GRHL2: variants seen among roughly 807,000 people sequenced by gnomAD.
GRHL2 encodes grainyhead like transcription factor 2.
In GRHL2, 21 loss-of-function variants were observed where a neutral mutation model predicts 83.8. The observed-to-expected ratio is 0.25, with a 90% CI of 0.18 to 0.36. The LOEUF (loss-of-function observed/expected upper bound fraction) is 0.36. GRHL2 is among the 10% of genes least tolerant of loss of function. GRHL2 has a pLI of 1.00. For synonymous variants in GRHL2, 280 were observed against 278.9 expected (o/e 1.00, Z -0.04); for missense variants, 623 against 781.8 (o/e 0.80, Z 2.42).
intron 12 of GRHL2, among the ~76,000 whole-genome samples, chr8:101,641,051 T>G (rs1187270677): frequency 6.6e-6 from 1 of 152,198 alleles, no homozygotes; most frequent in Non-Finnish European, 1.5e-5. Context: ...TGGGGCCTAC[T>G]GACCTAGTCA....
intron 1 of GRHL2, among the ~76,000 whole-genome samples, chr8:101,502,726 ACCTCCTCCT>A (rs539176678): frequency 6.7e-6 from 1 of 149,506 alleles, no homozygotes; most frequent in Non-Finnish European, 1.5e-5. Flanking sequence ...GAAAGGGATG[ACCTCCTCCT>A]CCTCCTCCTC....
intron 1 of GRHL2, among the ~76,000 whole-genome samples, chr8:101,521,385 G>A (rs915499848): frequency 5.9e-5 from 9 of 152,180 alleles, no homozygotes; most frequent in Admixed American, 4.6e-4. Context: ...TTTCAGTGAC[G>A]GGCAACAGGA....
chr8:101,568,029 C>T (rs535706770), intron 4 of GRHL2, among the ~76,000 whole-genome samples: 2 of 152,136 alleles, frequency 1.3e-5, no homozygotes. Context: ...AATTCCTGAC[C>T]ATATTAAATG....
chr8:101,671,424 G>C (rs1221289831), downstream of GRHL2, among the ~76,000 whole-genome samples: 4 of 152,306 alleles, frequency 2.6e-5, no homozygotes, highest in East Asian at 7.7e-4. Context: ...TAGCACAGCA[G>C]TCTGAGATCA....
chr8:101,677,291 A>G, the GRHL2 span, among the ~76,000 whole-genome samples: 1 of 152,048 alleles, frequency 6.6e-6, no homozygotes, highest in Non-Finnish European at 1.5e-5. Flanking sequence ...CACCCCTCAT[A>G]GACCACTGAG....
intron 2 of GRHL2, among the ~76,000 whole-genome samples, chr8:101,545,800 A>G (rs1811250685): frequency 6.6e-6 from 1 of 151,950 alleles, no homozygotes; most frequent in African/African-American, 2.4e-5. Context: ...TTGATCTTCA[A>G]AATCTATAAA....
intron 9 of GRHL2, among the ~76,000 whole-genome samples, chr8:101,627,639 A>C (rs529835606): frequency 6.2e-4 from 94 of 152,252 alleles, no homozygotes; most frequent in South Asian, 1.5e-3. Context: ...AGAAATAATT[A>C]AGCTTAGGGA....
chr8:101,610,646 C>A (rs1586142287), intron 8 of GRHL2, among the ~76,000 whole-genome samples: 2 of 150,932 alleles, frequency 1.3e-5, no homozygotes, highest in Non-Finnish European at 2.9e-5. Context: ...AACGTAGGGG[C>A]TGTTATACCT....
At chr8:101,670,580 G>C (rs961943319), downstream of GRHL2, among the ~76,000 whole-genome samples, 1 of 152,206 alleles carries the variant, frequency 6.6e-6, no homozygotes, top group African/African-American at 2.4e-5. Context: ...TGTCATGACT[G>C]TGTTCCACAG....
rs1810304096 is a variant in GRHL2, at chr8:101,504,866, TATC to T, written c.20+12079_20+12081del. ...TGTCGCCAACGTGAACTTCTTTGCT[TATC>T]AACCTATCCAAGAAGCATCCACAGC... On this transcript the variant is annotated intron_variant, in intron 1 of 15. Transcript: ENST00000646743. Among the ~76,000 whole-genome samples, 13 of 151,468 alleles carry T rather than the reference TATC, an allele frequency of 8.6e-5. No homozygotes were observed. In the South Asian group the frequency reaches 2.7e-3, roughly 32 times the overall value.
chr8:101,624,022 TAGGACAGTTCACAGTA>T (rs1246621598), intron 9 of GRHL2, among the ~76,000 whole-genome samples: 9 of 137,374 alleles, frequency 6.6e-5, no homozygotes, highest in African/African-American at 2.6e-4. Context: ...CAGTACACAG[TAGGACAGTTCACAGTA>T]CACAGTACAC....
intron 1 of GRHL2, among the ~76,000 whole-genome samples, chr8:101,497,261 TTGTAG>T (rs1321465695): frequency 2.0e-5 from 3 of 152,218 alleles, no homozygotes; most frequent in Non-Finnish European, 4.4e-5. Flanking sequence ...TCCCTAAAAC[TTGTAG>T]TGTAACCTAC....
chr8:101,661,383 G>A (rs2129754892), intron 14 of GRHL2, among the ~76,000 whole-genome samples: 1 of 152,128 alleles, frequency 6.6e-6, no homozygotes, highest in African/African-American at 2.4e-5. Context: ...GGTCCCTTGA[G>A]GTCCTGGGGA....
At chr8:101,641,311 G>C (rs1056844979) in intron 12 of GRHL2, among the ~76,000 whole-genome samples, 32 of 152,178 alleles carry the variant, frequency 2.1e-4, no homozygotes, top group African/African-American at 7.5e-4. Context: ...TGTTTTCTGA[G>C]GATAACATGG....
intron 1 of GRHL2, among the ~76,000 whole-genome samples, chr8:101,525,381 G>C (rs1429763004): frequency 6.6e-6 from 1 of 151,826 alleles, no homozygotes. Context: ...TATATCTATT[G>C]ATATATATCA....
chr8:101,516,585 T>C (rs1810577663), intron 1 of GRHL2, among the ~76,000 whole-genome samples: 1 of 152,076 alleles, frequency 6.6e-6, no homozygotes, highest in African/African-American at 2.4e-5. Context: ...GCCCAGCTAA[T>C]TTGTAAAGAC....
At position 101,505,532 on chromosome 8, in the gene GRHL2, G is replaced by A. The variant is rs866569279; in HGVS notation, c.20+12743G>A. Among the ~76,000 whole-genome samples the A allele has an allele frequency of 3.7e-5, 5 of 133,348 alleles. No individual in the cohort carries two copies. In the Middle Eastern group the frequency reaches 0.016, roughly 417 times the overall value. 87.5% of individuals were successfully genotyped at this position (133,348 alleles called of 152,430 possible). Reference sequence around the variant, plus strand: ...GCGGAGGTTGCAGTGAGCCGAGATTGCACCACTGTACTCCAGCCTGGGCAA... The same window carrying A: ...GCGGAGGTTGCAGTGAGCCGAGATTACACCACTGTACTCCAGCCTGGGCAA... On this transcript the variant is annotated intron_variant, in intron 1 of 15. Coordinates refer to ENST00000646743, the MANE Select transcript of GRHL2 (RefSeq NM_024915.4).
chr8:101,507,770 C>CTTTT (rs11295472), intron 1 of GRHL2, among the ~76,000 whole-genome samples: 3 of 66,304 alleles, frequency 4.5e-5, no homozygotes, highest in African/African-American at 6.3e-5. Flanking sequence ...ATGATTATCC[C>CTTTT]TTTTTTTTTT....
intron 7 of GRHL2, among the ~76,000 whole-genome samples, chr8:101,597,658 C>T (rs1280981768): frequency 2.1e-5 from 3 of 142,378 alleles, no homozygotes; most frequent in East Asian, 4.1e-4. Context: ...GGAAGGGGAA[C>T]ATCACACATC....
Sources: gnomAD v4.1 joint callset for allele counts (sites outside exome capture counted in the v4.1 genomes callset) on GRCh38, gnomAD v4.1.1 for gene constraint, MANE v1.5 for transcripts, NCBI Gene and HGNC (gene_info 2026-07-23, HGNC 2026-07-21) for gene names.